MGAT4C: variants seen among roughly 807,000 people sequenced by gnomAD.
MGAT4C encodes the protein MGAT4 family member C, also known as alpha-1,3-mannosyl-glycoprotein 4-beta-N-acetylglucosaminyltransferase C.
In MGAT4C, 19 loss-of-function variants were observed where a neutral mutation model predicts 40.1. The ratio of observed to expected loss-of-function variants is 0.47; its 90% CI spans 0.33 to 0.70. MGAT4C has a LOEUF of 0.70. MGAT4C is among the 30% of genes least tolerant of loss of function. MGAT4C has a pLI of 0.02. For missense variants in MGAT4C, 491 were observed against 563.2 expected, an observed-to-expected ratio of 0.87 and a Z score of 1.30; for synonymous variants, 181 against 187.1, an observed-to-expected ratio of 0.97 and a Z score of 0.27.
chr12:86,528,981 A>C (rs143709247), intron 2 of MGAT4C, among the ~76,000 whole-genome samples: 2 of 152,184 alleles, frequency 1.3e-5, no homozygotes, highest in African/African-American at 4.8e-5. Flanking sequence ...GTTGAAAAAA[A>C]AACCACTAAA....
chr12:86,028,299 A>C, intron 2 of MGAT4C: 7 of 561,626 alleles, frequency 1.2e-5, no homozygotes, highest in Non-Finnish European at 1.7e-5. Flanking sequence ...TCCCAACACC[A>C]TGCCCTTTGT....
Position 86,068,160 on chromosome 12 carries a change from A to G in MGAT4C, c.-56-18437T>C, listed in dbSNP as rs972147363. Reference sequence around the variant, plus strand: ...CAACCTGTGCTATCAAACATATATCACACATTTTGTTATCAAGGGCACCAA... The same window carrying G: ...CAACCTGTGCTATCAAACATATATCGCACATTTTGTTATCAAGGGCACCAA... On this transcript the variant is annotated intron_variant, in intron 1 of 4. Transcript: ENST00000611864. 10 of 152,282 alleles carry G rather than the reference A, an allele frequency of 6.6e-5. No homozygotes were observed. The South Asian group carries it at 2.1e-3, about 32-fold the overall frequency. The allele number at this position is 152,282 out of a possible 1,614,324, so 9.4% of individuals were successfully genotyped here.
chr12:86,185,831 A>G (rs1340164851), intron 1 of MGAT4C, among the ~76,000 whole-genome samples: 6 of 152,146 alleles, frequency 3.9e-5, no homozygotes, highest in Non-Finnish European at 7.4e-5. Context: ...GAACCAAATC[A>G]GCAAACACAT....
intron 2 of MGAT4C, among the ~76,000 whole-genome samples, chr12:86,674,522 C>T (rs1350272494): frequency 1.3e-5 from 2 of 151,842 alleles, no homozygotes; most frequent in Admixed American, 6.6e-5. Flanking sequence ...ATGGTGAAAC[C>T]CCGTCTTTAC....
intron 1 of MGAT4C, among the ~76,000 whole-genome samples, chr12:86,166,829 C>CA (rs1886249410): frequency 1.3e-5 from 2 of 152,028 alleles, no homozygotes; most frequent in Non-Finnish European, 2.9e-5. Context: ...CAAAATAACT[C>CA]AAACATGTAA....
At chr12:86,377,795 C>A (rs1032523814) in intron 3 of MGAT4C, among the ~76,000 whole-genome samples, 1 of 152,154 alleles carries the variant, frequency 6.6e-6, no homozygotes, top group African/African-American at 2.4e-5. Context: ...CACTACCCAT[C>A]TTGAGAACTT....
intron 3 of MGAT4C, among the ~76,000 whole-genome samples, chr12:86,400,379 C>G (rs1175112571): frequency 6.6e-6 from 1 of 152,114 alleles, no homozygotes; most frequent in Non-Finnish European, 1.5e-5. Flanking sequence ...TTCCCTTATT[C>G]ACAGGTAAAA....
In MGAT4C at chr12:85,975,005, G is replaced by C. The variant is rs1883870471; in HGVS notation, c.*4284C>G. On this transcript the variant is annotated 3_prime_UTR_variant, in exon 5 of 5. Transcript: ENST00000611864. ...AAGGTAGATTCTAAACAACATCTTA[G>C]AAACTAGGAAATGACTTTATGTTTC... 6.7e-6 allele frequency: 1 copy of C among 150,340 alleles called. No homozygotes were observed. 9.3% of individuals were successfully genotyped at this position (150,340 alleles called of 1,614,324 possible).
chr12:86,258,770 T>C (rs1177180159), upstream of MGAT4C, among the ~76,000 whole-genome samples: 7 of 152,096 alleles, frequency 4.6e-5, no homozygotes, highest in Non-Finnish European at 1.0e-4. Context: ...ACTTATTACA[T>C]ATGAAAATAA....
chr12:86,285,382 T>C (rs2406122), intron 4 of MGAT4C, among the ~76,000 whole-genome samples: 102,116 of 151,878 alleles, frequency 0.67, 34,756 homozygotes, highest in South Asian at 0.78. Context: ...GTGTGTAGCA[T>C]TGTGCTTTGC....
intron 2 of MGAT4C, among the ~76,000 whole-genome samples, chr12:86,590,028 G>A (rs545992244): frequency 1.3e-5 from 2 of 151,982 alleles, no homozygotes; most frequent in East Asian, 1.9e-4. Context: ...GGAACACTTC[G>A]TAGGATGCTG....
chr12:86,771,684 A>ATG (rs1951639567), intron 1 of MGAT4C, among the ~76,000 whole-genome samples: 1 of 131,136 alleles, frequency 7.6e-6, no homozygotes. Context: ...ACATAAATAT[A>ATG]TATGTGTGTG....
intron 1 of MGAT4C, among the ~76,000 whole-genome samples, chr12:86,060,139 T>A (rs1174221504): frequency 6.6e-6 from 1 of 152,176 alleles, no homozygotes; most frequent in Non-Finnish European, 1.5e-5. Flanking sequence ...GTATGACAGA[T>A]CTATTTATAG....
intron 4 of MGAT4C, among the ~76,000 whole-genome samples, chr12:86,304,556 T>C (rs530596016): frequency 6.6e-6 from 1 of 150,848 alleles, no homozygotes; most frequent in South Asian, 2.1e-4. Context: ...TTCTTACATA[T>C]TCAAAATGGG....
At chr12:86,428,156 G>A (rs1956965471) in intron 3 of MGAT4C, among the ~76,000 whole-genome samples, 1 of 152,136 alleles carries the variant, frequency 6.6e-6, no homozygotes, top group South Asian at 2.1e-4. Flanking sequence ...TACATTTCAA[G>A]ATCGAATTAT....
At chr12:86,029,866 G>T (rs917634894) in intron 2 of MGAT4C, among the ~76,000 whole-genome samples, 1 of 151,796 alleles carries the variant, frequency 6.6e-6, no homozygotes, top group East Asian at 1.9e-4. Context: ...AGGAGAAAGT[G>T]TCTGGGGATT....
chr12:86,046,618 G>A (rs1244664090), intron 2 of MGAT4C, among the ~76,000 whole-genome samples: 1 of 152,192 alleles, frequency 6.6e-6, no homozygotes, highest in Non-Finnish European at 1.5e-5. Context: ...GGGGCAAACT[G>A]TTGTAAGCTA....
intron 2 of MGAT4C, among the ~76,000 whole-genome samples, chr12:86,610,711 A>G (rs1236760014): frequency 6.6e-6 from 1 of 151,294 alleles, no homozygotes; most frequent in East Asian, 2.0e-4. Context: ...AGCATTAGGT[A>G]TATCTCCTAA....
chr12:86,419,688 G>A (rs904821313), intron 3 of MGAT4C, among the ~76,000 whole-genome samples: 1 of 152,092 alleles, frequency 6.6e-6, no homozygotes, highest in Non-Finnish European at 1.5e-5. Flanking sequence ...GAATGGACAA[G>A]GCCATTTCAC....
Sources: allele counts gnomAD v4.1 joint callset (sites outside exome capture counted in the v4.1 genomes callset), GRCh38; gene constraint gnomAD v4.1.1; transcripts MANE v1.5; gene names NCBI Gene and HGNC (gene_info 2026-07-23, HGNC 2026-07-21).